The following LRBA variants were observed in gnomAD, a reference collection of about 807,000 sequenced individuals.
LRBA encodes lipopolysaccharide-responsive and beige-like anchor protein.
LRBA carries 176 observed loss-of-function variants against 330.0 expected under a neutral mutation model. The ratio of observed to expected loss-of-function variants is 0.53; its 90% CI spans 0.47 to 0.60. The LOEUF is 0.60. Among genes scored for constraint, LRBA ranks in the 20% least tolerant of loss-of-function variants. The probability of loss-of-function intolerance (pLI) is 0.00; values close to 1 mark genes in which losing one functional copy is unlikely to be tolerated. For missense variants in LRBA, 3,259 were observed against 3,444.8 expected (o/e 0.95, Z 1.35); for synonymous variants, 1,230 against 1,193.0 (o/e 1.03, Z -0.64).
chr4:150,689,148 TGTCCTTTTCAG>T (rs1783889211), intron 36 of LRBA, among the ~76,000 whole-genome samples: 1 of 152,226 alleles, frequency 6.6e-6, no homozygotes. Context: ...AATGAGTTCA[TGTCCTTTTCAG>T]GGACGTGGAT....
intron 37 of LRBA, among the ~76,000 whole-genome samples, chr4:150,614,953 G>A (rs924893105): frequency 6.6e-6 from 1 of 152,194 alleles, no homozygotes; most frequent in Non-Finnish European, 1.5e-5. Flanking sequence ...CAGAAAAAAG[G>A]GACAGAAAAT....
chr4:150,419,633 C>CTTTT (rs780382905), intron 46 of LRBA, among the ~76,000 whole-genome samples: 22 of 96,992 alleles, frequency 2.3e-4, no homozygotes, highest in East Asian at 6.9e-4. Context: ...CTGATAATAT[C>CTTTT]TTTTTTTTTT....
chr4:150,880,152 C>A (rs1728201673), intron 17 of LRBA, among the ~76,000 whole-genome samples: 1 of 152,198 alleles, frequency 6.6e-6, no homozygotes, highest in African/African-American at 2.4e-5. Flanking sequence ...GGAAAGGACT[C>A]CCTATTCAAT....
chr4:150,655,859 G>C (rs1780133539), intron 37 of LRBA, among the ~76,000 whole-genome samples: 2 of 152,184 alleles, frequency 1.3e-5, no homozygotes, highest in Non-Finnish European at 2.9e-5. Context: ...GAACCTCAAG[G>C]GTCTTCCAAA....
intron 40 of LRBA, among the ~76,000 whole-genome samples, chr4:150,493,832 G>C (rs1467254543): frequency 6.6e-6 from 1 of 152,176 alleles, no homozygotes; most frequent in South Asian, 2.1e-4. Flanking sequence ...GCCAGGGCCA[G>C]TAGCTTACAC....
At chr4:150,334,351 C>T (rs1236992867) in intron 48 of LRBA, among the ~76,000 whole-genome samples, 3 of 151,908 alleles carry the variant, frequency 2.0e-5, no homozygotes, top group Non-Finnish European at 4.4e-5. Flanking sequence ...TCTATTAATA[C>T]ATAGAAGAGT....
intron 47 of LRBA, among the ~76,000 whole-genome samples, chr4:150,363,191 A>G (rs1196521527): frequency 6.6e-6 from 1 of 152,078 alleles, no homozygotes; most frequent in Non-Finnish European, 1.5e-5. Context: ...TATAACCTTG[A>G]TATCTTTGTT....
At chr4:150,956,966 C>A (rs1007661156) in intron 2 of LRBA, among the ~76,000 whole-genome samples, 9 of 149,024 alleles carry the variant, frequency 6.0e-5, no homozygotes. Flanking sequence ...TACATATACA[C>A]ACACATATAC....
intron 37 of LRBA, among the ~76,000 whole-genome samples, chr4:150,605,213 G>A (rs1325824839): frequency 6.6e-6 from 1 of 152,050 alleles, no homozygotes; most frequent in Non-Finnish European, 1.5e-5. Flanking sequence ...TAGATGAATT[G>A]GCACCTATTA....
At chr4:150,639,588 C>CA (rs879128535) in intron 37 of LRBA, among the ~76,000 whole-genome samples, 4,419 of 46,116 alleles carry the variant, frequency 0.096, 401 homozygotes, top group African/African-American at 0.24. Flanking sequence ...GCAGAAGGAG[C>CA]AAAAAAAAAA....
At chr4:150,640,721 A>G (rs554008578) in intron 37 of LRBA, among the ~76,000 whole-genome samples, 10 of 152,202 alleles carry the variant, frequency 6.6e-5, no homozygotes, top group African/African-American at 2.4e-4. Flanking sequence ...ACAGCCTCCT[A>G]TCTAGTCTCC....
At chr4:150,415,407 TGACA>T (rs1229496714) in intron 47 of LRBA, 27 bp downstream of exon 47, 2 of 1,603,402 alleles carry the variant, frequency 1.2e-6, no homozygotes, top group African/African-American at 1.3e-5. Context: ...CAAAAGCTCA[TGACA>T]GACAGAGTAG....
At chr4:150,283,380 T>C (rs1747779000) in intron 54 of LRBA, among the ~76,000 whole-genome samples, 1 of 152,136 alleles carries the variant, frequency 6.6e-6, no homozygotes, top group African/African-American at 2.4e-5. Context: ...GCCAAGCTTT[T>C]TGTTTCTGTT....
At chr4:150,813,599 C>T (rs1442050892) in intron 31 of LRBA, among the ~76,000 whole-genome samples, 2 of 152,000 alleles carry the variant, frequency 1.3e-5, no homozygotes, top group Non-Finnish European at 2.9e-5. Flanking sequence ...GCTTGGACCT[C>T]ATATAAAGCT....
At chr4:150,565,388 T>G (rs901828265) in intron 40 of LRBA, among the ~76,000 whole-genome samples, 4 of 152,074 alleles carry the variant, frequency 2.6e-5, no homozygotes, top group Non-Finnish European at 5.9e-5. Context: ...AAATACCTAA[T>G]GCATGTGGGG....
chr4:150,588,222 GAC>G, intron 39 of LRBA, 38 bp from the exon 40 acceptor site: 1 of 1,545,414 alleles, frequency 6.5e-7, no homozygotes, highest in Non-Finnish European at 8.7e-7. Flanking sequence ...AAGTTGGAAT[GAC>G]ATTTTTCAAA....
intron 2 of LRBA, among the ~76,000 whole-genome samples, chr4:150,990,997 G>A (rs768490190): frequency 3.3e-5 from 5 of 150,112 alleles, no homozygotes; most frequent in Non-Finnish European, 5.9e-5. Flanking sequence ...AGGTTGCACT[G>A]AGCTGAGATT....
intron 28 of LRBA, among the ~76,000 whole-genome samples, chr4:150,835,071 C>T (rs1747817573): frequency 6.6e-6 from 1 of 152,098 alleles, no homozygotes; most frequent in South Asian, 2.1e-4. Context: ...AATCCTTTCC[C>T]CATTTCTTGT....
chr4:150,327,383 G>A (rs994561961), intron 48 of LRBA, among the ~76,000 whole-genome samples: 1 of 152,064 alleles, frequency 6.6e-6, no homozygotes, highest in South Asian at 2.1e-4. Context: ...TTGCACCACT[G>A]CACTCCAGCC....
Sources: gnomAD v4.1 joint callset for allele counts (sites outside exome capture counted in the v4.1 genomes callset) on GRCh38, gnomAD v4.1.1 for gene constraint, MANE v1.5 for transcripts, NCBI Gene and HGNC (gene_info 2026-07-23, HGNC 2026-07-21) for gene names.